The following CCNJ variants were observed in gnomAD, a reference collection of about 807,000 sequenced individuals.
CCNJ encodes cyclin-J.
CCNJ carries 12 observed loss-of-function variants against 41.4 expected under a neutral mutation model. The ratio of observed to expected loss-of-function variants is 0.29; its 90% confidence interval spans 0.19 to 0.47. CCNJ has a LOEUF of 0.47. Ranked by LOEUF, CCNJ falls within the 20% of genes least tolerant of loss-of-function variation. The probability of loss-of-function intolerance (pLI) is 1.00; values close to 1 mark genes in which losing one functional copy is unlikely to be tolerated. For synonymous variants in CCNJ, 161 were observed against 173.4 expected (o/e 0.93, Z 0.56); for missense variants, 340 against 464.6 (o/e 0.73, Z 2.47).
chr10:96,043,672 G>C lies in CCNJ; in HGVS notation c.-89G>C, dbSNP rs1234819367. On this transcript the variant is annotated 5_prime_UTR_variant, in exon 1 of 6. Transcript: ENST00000465148. ...TGTCCGCAGCATGAGCGGGGCCGGC[G>C]TCCGCCGCACGACGGCGGGGCTGGG... 1.0e-5 allele frequency: 4 copies of C among 394,332 alleles called. No homozygotes were observed. Among genetic ancestry groups the C allele is most frequent in the Non-Finnish European group, 1.8e-5 (4 of 223,318 alleles). 24.4% of individuals were successfully genotyped at this position (394,332 alleles called of 1,614,324 possible). A position where few individuals can be genotyped will look rare whatever the true frequency, so the allele number is the denominator to read the frequency against.
chr10:96,058,618 A>G lies in CCNJ; in HGVS notation c.*377A>G. The G allele has an allele frequency of 2.4e-6, 1 of 411,460 alleles. No individual in the cohort carries two copies. The highest frequency in any genetic ancestry group is 4.3e-6 in the Non-Finnish European group (1 of 232,968). 25.5% of individuals were successfully genotyped at this position (411,460 alleles called of 1,614,324 possible). ...CTTCTAAGTCAAAGACTAAATGTTTATCTCATCTATGGACTTGCCAAACAG... is the reference window on the plus strand; with the variant it reads ...CTTCTAAGTCAAAGACTAAATGTTTGTCTCATCTATGGACTTGCCAAACAG... On this transcript the variant is annotated 3_prime_UTR_variant, in exon 6 of 6. Coordinates refer to ENST00000465148, the MANE Select transcript of CCNJ (RefSeq NM_001134375.2).
chr10:96,043,742 G>A (rs1050814454), intron 1 of CCNJ, 23 bp downstream of exon 1: 1 of 389,600 alleles, frequency 2.6e-6, no homozygotes, highest in East Asian at 3.6e-5. Flanking sequence ...GCGTGGGGCC[G>A]GGCGGCCCGG....
chr10:96,055,083 A>C (rs1261791486), intron 3 of CCNJ, among the ~76,000 whole-genome samples: 1 of 152,164 alleles, frequency 6.6e-6, no homozygotes, highest in African/African-American at 2.4e-5. Flanking sequence ...CATACAGACC[A>C]CTTTAGTGCT....
Position 96,060,292 on chromosome 10 carries a change from T to TA in CCNJ, c.*2053dup, listed in dbSNP as rs780798058. 5.2e-5 allele frequency: 8 copies of TA among 152,686 alleles called. No homozygotes were observed. Among genetic ancestry groups the TA allele is most frequent in the Admixed American group, 5.2e-4 (8 of 15,288 alleles). 9.5% of individuals were successfully genotyped at this position (152,686 alleles called of 1,614,324 possible). A position where few individuals can be genotyped will look rare whatever the true frequency, so the allele number is the denominator to read the frequency against. On this transcript the variant is annotated 3_prime_UTR_variant, in exon 6 of 6. Coordinates refer to ENST00000465148, the MANE Select transcript of CCNJ (RefSeq NM_001134375.2). ...ACAACAGCCAGTGCCTGTGGTAACT[T>TA]AATGTCTTGTCAAATACTTTTATTG... is the stretch of plus-strand genomic sequence containing the variant.
intron 3 of CCNJ, among the ~76,000 whole-genome samples, chr10:96,053,308 CT>C (rs1234636134): frequency 6.6e-6 from 1 of 152,062 alleles, no homozygotes; most frequent in Non-Finnish European, 1.5e-5. Context: ...CAGGTTATTT[CT>C]TTATAAGATG....
At chr10:96,047,186 A>G (rs1000540863) in intron 2 of CCNJ, among the ~76,000 whole-genome samples, 10 of 152,298 alleles carry the variant, frequency 6.6e-5, no homozygotes, top group African/African-American at 1.4e-4. Flanking sequence ...CTGGGTTAGT[A>G]TAGTGTCTGC....
rs1999773 is a variant in CCNJ at position 96,050,957 on chromosome 10, G to A, written c.280+491G>A. On this transcript the variant is annotated intron_variant, in intron 3 of 5. Transcript: ENST00000465148. ...AGGCCTGGGATGCTGCTAAACATCC[G>A]GTAGTGTACAGGACAGTTTCCCATA... 6.7e-4 allele frequency among the ~76,000 whole-genome samples: 102 copies of A among 152,246 alleles called. 1 individual carries two copies. In the East Asian group the frequency reaches 0.017, roughly 25 times the overall value.
intron 2 of CCNJ, among the ~76,000 whole-genome samples, chr10:96,048,148 A>G (rs886219232): frequency 2.0e-5 from 3 of 152,134 alleles, no homozygotes; most frequent in Admixed American, 6.5e-5. Flanking sequence ...ACAGTATTCC[A>G]TGGTCTGTAT....
intron 2 of CCNJ, 120 bp downstream of exon 2, chr10:96,044,582 G>A: frequency 1.4e-6 from 1 of 738,480 alleles, no homozygotes. Context: ...CAGAAAAGGC[G>A]AGTTTGCTCA....
At chr10:96,057,037 C>T (rs1299181982) in intron 4 of CCNJ, 37 bp downstream of exon 4, 2 of 1,612,648 alleles carry the variant, frequency 1.2e-6, no homozygotes, top group Non-Finnish European at 1.7e-6. Flanking sequence ...GACTTGTGCA[C>T]TTGTGACTCG....
Position 96,049,323 on chromosome 10 carries a change from G to T in CCNJ, c.70-933G>T, listed in dbSNP as rs140945617. Among the ~76,000 whole-genome samples, 332 of 152,042 alleles carry T rather than the reference G, an allele frequency of 2.2e-3. 1 individual carries two copies. Among genetic ancestry groups the T allele is most frequent in the African/African-American group, 7.8e-3 (324 of 41,488 alleles). On this transcript the variant is annotated intron_variant, in intron 2 of 5. Coordinates refer to ENST00000465148, the MANE Select transcript of CCNJ (RefSeq NM_001134375.2). ...TTTTGGTTGTTATCCAGTTGTATAA[G>T]TTATTTATATAATCTAGCTATTTAC...
rs1319011417 is a variant in CCNJ at position 96,058,887 on chromosome 10, A to G, written c.*646A>G. ...TGGAGAAGATCTTATTTTTTAAATCATGGTCATAATTTTTCTTTTTTTCCC... is the reference window on the plus strand; with the variant it reads ...TGGAGAAGATCTTATTTTTTAAATCGTGGTCATAATTTTTCTTTTTTTCCC... On this transcript the variant is annotated 3_prime_UTR_variant, in exon 6 of 6. Transcript: ENST00000465148. 6 of 165,986 alleles carry G rather than the reference A, an allele frequency of 3.6e-5. No homozygotes were observed. In the East Asian group the frequency reaches 9.9e-4, roughly 27 times the overall value. 10.3% of individuals were successfully genotyped at this position (165,986 alleles called of 1,614,324 possible).
rs934562772 is a variant in CCNJ, at chr10:96,050,538, T to G, written c.280+72T>G. On this transcript the variant is annotated intron_variant, in intron 3 of 5. Coordinates refer to ENST00000465148, the MANE Select transcript of CCNJ (RefSeq NM_001134375.2). Reference sequence around the variant, plus strand: ...ATAATAAAATAAATTTATGTAGAACTCAGTGAAATATCATCAAATCCCATT... The same window carrying G: ...ATAATAAAATAAATTTATGTAGAACGCAGTGAAATATCATCAAATCCCATT... The G allele has an allele frequency of 1.6e-5, 18 of 1,110,032 alleles. No homozygotes were observed. The African/African-American group carries it at 2.7e-4, about 17-fold the overall frequency. 68.8% of individuals were successfully genotyped at this position (1,110,032 alleles called of 1,614,324 possible). A position where few individuals can be genotyped will look rare whatever the true frequency, so the allele number is the denominator to read the frequency against.
rs1159865203 is a variant in CCNJ, at chr10:96,058,584, T to C, written c.*343T>C. On this transcript the variant is annotated 3_prime_UTR_variant, in exon 6 of 6. Transcript: ENST00000465148. ...TTTGACCTGTGGTAGCATCTGGGCC[T>C]AATGTTGGCTTCTAAGTCAAAGACT... 1.4e-5 allele frequency: 6 copies of C among 420,720 alleles called. No homozygotes were observed. The highest frequency in any genetic ancestry group is 2.1e-5 in the Non-Finnish European group (5 of 238,192). 26.1% of individuals were successfully genotyped at this position (420,720 alleles called of 1,614,324 possible).
rs983443871 is a variant in CCNJ, at chr10:96,060,351, T to C, written c.*2110T>C. On this transcript the variant is annotated 3_prime_UTR_variant, in exon 6 of 6. Transcript: ENST00000465148. ...ATATGCCATTCTTGTTATAGAAGAA[T>C]ATGCCTTTTAAAAAAGCTTATTAAT... 9 of 152,650 alleles carry C rather than the reference T, an allele frequency of 5.9e-5. No individual in the cohort carries two copies. Among genetic ancestry groups the C allele is most frequent in the African/African-American group, 1.7e-4 (7 of 41,454 alleles). 9.5% of individuals were successfully genotyped at this position (152,650 alleles called of 1,614,324 possible).
intron 2 of CCNJ, among the ~76,000 whole-genome samples, chr10:96,049,096 T>G (rs1005773644): frequency 3.3e-5 from 5 of 149,508 alleles, no homozygotes; most frequent in South Asian, 2.1e-4. Context: ...TATCTGGTTT[T>G]GTTTTGTTTT....
intron 2 of CCNJ, 139 bp from the exon 3 acceptor site, chr10:96,050,117 T>A: frequency 1.5e-6 from 1 of 678,048 alleles, no homozygotes; most frequent in Non-Finnish European, 2.5e-6. Context: ...CTTAACTTTT[T>A]CATTTTTGTA....
chr10:96,052,682 A>G (rs2080562905), intron 3 of CCNJ, among the ~76,000 whole-genome samples: 1 of 152,234 alleles, frequency 6.6e-6, no homozygotes, highest in African/African-American at 2.4e-5. Flanking sequence ...GTAATTAGAC[A>G]TTAGGATCTG....
At chr10:96,050,197 T>C in intron 2 of CCNJ, 59 bp from the exon 3 acceptor site, 1 of 1,098,924 alleles carries the variant, frequency 9.1e-7, no homozygotes, top group Non-Finnish European at 1.4e-6. Flanking sequence ...GTTAAGTCAT[T>C]GCCTTGTGGG....
Sources: allele counts gnomAD v4.1 joint callset (sites outside exome capture counted in the v4.1 genomes callset), GRCh38; gene constraint gnomAD v4.1.1; transcripts MANE v1.5; gene names NCBI Gene and HGNC (gene_info 2026-07-23, HGNC 2026-07-21).